Variants in NRG3 observed in about 807,000 individuals in gnomAD.
NRG3 encodes the protein neuregulin 3, also known as pro-neuregulin-3, membrane-bound isoform.
In NRG3, 31 loss-of-function variants were observed where a neutral mutation model predicts 66.9. The observed-to-expected ratio is 0.46, with a 90% CI of 0.35 to 0.63. The LOEUF is 0.63. Ranked by LOEUF, NRG3 falls within the 20% of genes least tolerant of loss-of-function variation. The pLI is 0.00. For synonymous variants in NRG3, 393 were observed against 359.4 expected (o/e 1.09, Z -1.06); for missense variants, 910 against 878.9 (o/e 1.04, Z -0.45).
Position 82,048,557 on chromosome 10 carries a change from C to T in NRG3, c.823+172394C>T, listed in dbSNP as rs1350574537. Among the ~76,000 whole-genome samples the T allele has an allele frequency of 8.0e-5, 12 of 149,778 alleles. No individual in the cohort carries two copies. The South Asian group carries it at 8.5e-4, about 11-fold the overall frequency. On this transcript the variant is annotated intron_variant, in intron 1 of 8. Transcript: ENST00000372141. ...AGATGTTCTTTGAAACCAACGAGAA[C>T]GAAGACACAACATACCAGAATCTCT...
At chr10:82,133,557 C>T (rs2069096876) in intron 1 of NRG3, among the ~76,000 whole-genome samples, 1 of 152,152 alleles carries the variant, frequency 6.6e-6, no homozygotes, top group Non-Finnish European at 1.5e-5. Context: ...CAGTAGCCTC[C>T]AGCTCCATCC....
intron 4 of NRG3, among the ~76,000 whole-genome samples, chr10:82,931,969 C>A (rs1166202368): frequency 6.6e-6 from 1 of 152,168 alleles, no homozygotes; most frequent in Non-Finnish European, 1.5e-5. Flanking sequence ...AGATAAAATT[C>A]TTCTACCTTA....
chr10:81,922,064 T>A (rs1467461221), intron 1 of NRG3, among the ~76,000 whole-genome samples: 1 of 152,174 alleles, frequency 6.6e-6, no homozygotes, highest in East Asian at 1.9e-4. Context: ...CCAGGTATTA[T>A]ACTATCCAGT....
chr10:82,441,662 AGGGACAAAATT>A (rs1048683215), intron 2 of NRG3, among the ~76,000 whole-genome samples: 5 of 152,306 alleles, frequency 3.3e-5, no homozygotes, highest in African/African-American at 1.2e-4. Flanking sequence ...CTTTAAGAAG[AGGGACAAAATT>A]GGTTCCTAGA....
intron 2 of NRG3, among the ~76,000 whole-genome samples, chr10:82,696,231 A>G (rs1418680923): frequency 1.3e-5 from 2 of 152,176 alleles, no homozygotes; most frequent in Non-Finnish European, 2.9e-5. Context: ...TTTACTTCGC[A>G]TAATTTAACT....
chr10:81,879,517 A>T (rs1037086338), intron 1 of NRG3, among the ~76,000 whole-genome samples: 6 of 152,204 alleles, frequency 3.9e-5, no homozygotes, highest in Non-Finnish European at 7.3e-5. Context: ...GGTAGCCCGG[A>T]GTCATTGGCT....
intron 6 of NRG3, among the ~76,000 whole-genome samples, chr10:82,963,939 G>A (rs1850937563): frequency 6.6e-6 from 1 of 152,120 alleles, no homozygotes; most frequent in Non-Finnish European, 1.5e-5. Context: ...AGTTTTGAGA[G>A]TGAATTGAAA....
At chr10:82,427,187 A>G (rs2089505166) in intron 2 of NRG3, among the ~76,000 whole-genome samples, 1 of 152,080 alleles carries the variant, frequency 6.6e-6, no homozygotes, top group Admixed American at 6.6e-5. Context: ...TTCTTTCTTA[A>G]CTGATTGTCC....
At chr10:82,153,689 A>G (rs373770935) in intron 1 of NRG3, among the ~76,000 whole-genome samples, 8 of 151,986 alleles carry the variant, frequency 5.3e-5, no homozygotes, top group African/African-American at 1.7e-4. Flanking sequence ...AACAGTGTAC[A>G]AGGGTTCCCT....
Position 82,251,212 on chromosome 10 carries a change from A to C in NRG3, c.824-107527A>C, listed in dbSNP as rs1450779120. On this transcript the variant is annotated intron_variant, in intron 1 of 8. Transcript: ENST00000372141. ...CCTTAGTTCTCACCTCTAACAACCC[A>C]CTGGGCCTATAGGAACTTGGAGCTG... 2.6e-5 allele frequency among the ~76,000 whole-genome samples: 4 copies of C among 151,932 alleles called. No homozygotes were observed. In the South Asian group the frequency reaches 8.3e-4, roughly 32 times the overall value.
At position 82,924,588 on chromosome 10, in the gene NRG3, A is replaced by G. The variant is rs567913727; in HGVS notation, c.1055-26881A>G. Among the ~76,000 whole-genome samples, 8 of 151,762 alleles carry G rather than the reference A, an allele frequency of 5.3e-5. No individual in the cohort carries two copies. In the South Asian group the frequency reaches 1.3e-3, roughly 24 times the overall value. On this transcript the variant is annotated intron_variant, in intron 4 of 8. Transcript: ENST00000372141. ...TCAAATATCTCACATTAAAAAAAAA[A>G]AAAAGCTTTTAAAGATTGTAGGTTG...
At chr10:82,474,092 G>A (rs1305621638) in intron 2 of NRG3, among the ~76,000 whole-genome samples, 2 of 152,028 alleles carry the variant, frequency 1.3e-5, no homozygotes, top group African/African-American at 2.4e-5. Context: ...AAGGCTTTAT[G>A]TCATACCGAT....
At chr10:82,724,965 T>C (rs554289219) in intron 2 of NRG3, among the ~76,000 whole-genome samples, 1 of 152,334 alleles carries the variant, frequency 6.6e-6, no homozygotes, top group Admixed American at 6.5e-5. Flanking sequence ...CTCTTTGATC[T>C]CTTGTGGATA....
rs563582930 is a variant in NRG3, at chr10:82,387,826, T to G, written c.953+28958T>G. ...TTAACATTAATATAACACCAGAAATTACATTTGTTTCTGTGGAGGAATGCT... is the reference window on the plus strand; with the variant it reads ...TTAACATTAATATAACACCAGAAATGACATTTGTTTCTGTGGAGGAATGCT... On this transcript the variant is annotated intron_variant, in intron 2 of 8. Transcript: ENST00000372141. 4.6e-5 allele frequency among the ~76,000 whole-genome samples: 7 copies of G among 152,322 alleles called. No homozygotes were observed. The South Asian group carries it at 1.0e-3, about 23-fold the overall frequency.
chr10:82,240,134 A>G (rs1358672586), intron 1 of NRG3, among the ~76,000 whole-genome samples: 1 of 152,142 alleles, frequency 6.6e-6, no homozygotes, highest in East Asian at 1.9e-4. Context: ...CTGACATGAC[A>G]TAGGATTTTA....
At chr10:82,864,998 A>G (rs1160160398) in intron 3 of NRG3, among the ~76,000 whole-genome samples, 1 of 152,160 alleles carries the variant, frequency 6.6e-6, no homozygotes, top group African/African-American at 2.4e-5. Context: ...ATTCACTTTT[A>G]TTTTTATTAT....
intron 2 of NRG3, among the ~76,000 whole-genome samples, chr10:82,572,958 C>T (rs2045828113): frequency 6.6e-6 from 1 of 151,744 alleles, no homozygotes; most frequent in African/African-American, 2.4e-5. Flanking sequence ...CTTGCTCAAG[C>T]AGGGCTGGAG....
intron 2 of NRG3, among the ~76,000 whole-genome samples, chr10:82,611,013 A>G (rs922186929): frequency 6.6e-6 from 1 of 152,092 alleles, no homozygotes; most frequent in African/African-American, 2.4e-5. Context: ...TAATGATTAT[A>G]AATATATACT....
intron 1 of NRG3, among the ~76,000 whole-genome samples, chr10:82,244,741 CTGAT>C (rs2077159031): frequency 6.6e-6 from 1 of 151,902 alleles, no homozygotes; most frequent in Non-Finnish European, 1.5e-5. Context: ...TATTGATTGA[CTGAT>C]TGATTGGAGA....
Sources: allele counts gnomAD v4.1 joint callset (sites outside exome capture counted in the v4.1 genomes callset), GRCh38; gene constraint gnomAD v4.1.1; transcripts MANE v1.5; gene names NCBI Gene and HGNC (gene_info 2026-07-23, HGNC 2026-07-21).